ITPR1: variants seen among roughly 807,000 people sequenced by gnomAD.
The protein encoded by ITPR1 is inositol 1,4,5-trisphosphate receptor type 1, also known as inositol 1,4,5-trisphosphate-gated calcium channel ITPR1.
ITPR1 carries 96 observed loss-of-function variants against 318.4 expected under a neutral mutation model. The ratio of observed to expected loss-of-function variants is 0.30; its 90% CI spans 0.26 to 0.36. ITPR1 has a LOEUF of 0.36. Among genes scored for constraint, ITPR1 ranks in the 10% least tolerant of loss-of-function variants. The pLI is 1.00. For missense variants in ITPR1, 2,440 were observed against 3,460.2 expected, an observed-to-expected ratio of 0.71 and a Z score of 7.40; for synonymous variants, 1,312 against 1,289.9, an observed-to-expected ratio of 1.02 and a Z score of -0.37.
At chr3:4,741,714 A>G (rs1006031724) in intron 44 of ITPR1, among the ~76,000 whole-genome samples, 5 of 152,126 alleles carry the variant, frequency 3.3e-5, no homozygotes, top group African/African-American at 1.2e-4. Context: ...GGGCAATTTG[A>G]TTTGCCTCTG....
At chr3:4,656,520 A>G (rs2093712468) in intron 12 of ITPR1, among the ~76,000 whole-genome samples, 1 of 152,220 alleles carries the variant, frequency 6.6e-6, no homozygotes, top group Non-Finnish European at 1.5e-5. Flanking sequence ...GGGATGAGCA[A>G]TTAGAGGAGA....
At position 4,735,375 on chromosome 3, in the gene ITPR1, C is replaced by G. The variant is rs765497361; in HGVS notation, c.5544+21C>G. On this transcript the variant is annotated intron_variant, in intron 44 of 61. Coordinates refer to ENST00000649015, the MANE Select transcript of ITPR1 (RefSeq NM_001378452.1). ...TCCAGGTAGGAAGGCAGCTTGGCTACTGGTATGGCATCCCTGCTGAGCAGG... is the reference window on the plus strand; with the variant it reads ...TCCAGGTAGGAAGGCAGCTTGGCTAGTGGTATGGCATCCCTGCTGAGCAGG... The G allele has an allele frequency of 5.6e-6, 9 of 1,597,882 alleles. No individual in the cohort carries two copies. In the African/African-American group the frequency reaches 1.1e-4, roughly 19 times the overall value.
At chr3:4,727,506 A>G (rs1022864601) in intron 42 of ITPR1, among the ~76,000 whole-genome samples, 2 of 152,214 alleles carry the variant, frequency 1.3e-5, no homozygotes, top group East Asian at 3.8e-4. Context: ...TATAATTTAT[A>G]ATTTTAAAAA....
rs1436279717 is a variant in ITPR1, at chr3:4,837,709, CT to C, written c.8190+778del. Among the ~76,000 whole-genome samples, 3 of 152,116 alleles carry C rather than the reference CT, an allele frequency of 2.0e-5. No individual in the cohort carries two copies. In the South Asian group the frequency reaches 6.2e-4, roughly 32 times the overall value. On this transcript the variant is annotated intron_variant, in intron 61 of 61. Transcript: ENST00000649015. ...AAACCGTGCGTACTCTGTTTCTGCCCTTTTGACTCCATTAAAATGAACATGC... is the reference window on the plus strand; with the variant it reads ...AAACCGTGCGTACTCTGTTTCTGCCCTTTGACTCCATTAAAATGAACATGC...
intron 40 of ITPR1, among the ~76,000 whole-genome samples, chr3:4,718,124 G>A (rs1269779678): frequency 6.6e-6 from 1 of 152,140 alleles, no homozygotes; most frequent in African/African-American, 2.4e-5. Flanking sequence ...CCTCTTGAAT[G>A]TTTTCTGTTT....
At chr3:4,645,038 G>A (rs1163613917) in intron 8 of ITPR1, among the ~76,000 whole-genome samples, 1 of 151,882 alleles carries the variant, frequency 6.6e-6, no homozygotes, top group East Asian at 1.9e-4. Flanking sequence ...TTCCCTTTAT[G>A]GCTCATCCCA....
At chr3:4,775,767 G>A (rs2046446159) in intron 47 of ITPR1, among the ~76,000 whole-genome samples, 1 of 152,224 alleles carries the variant, frequency 6.6e-6, no homozygotes, top group South Asian at 2.1e-4. Flanking sequence ...CCAAAAGACA[G>A]TGACCTATTT....
At chr3:4,827,009 C>T (rs1462722809) in intron 60 of ITPR1, among the ~76,000 whole-genome samples, 1 of 152,246 alleles carries the variant, frequency 6.6e-6, no homozygotes, top group Non-Finnish European at 1.5e-5. Context: ...ACTCGCTTCA[C>T]TGTGCATGAA....
chr3:4,692,663 G>T (rs2094497741), intron 32 of ITPR1, among the ~76,000 whole-genome samples: 1 of 152,196 alleles, frequency 6.6e-6, no homozygotes, highest in Admixed American at 6.5e-5. Context: ...AAATAAATTT[G>T]CAAGAAGCCT....
chr3:4,641,251 C>T (rs2093331326), intron 6 of ITPR1, among the ~76,000 whole-genome samples: 1 of 152,244 alleles, frequency 6.6e-6, no homozygotes, highest in Non-Finnish European at 1.5e-5. Flanking sequence ...GTTATATCCC[C>T]TCTAGGTCTT....
chr3:4,707,719 G>A (rs2094789837), intron 37 of ITPR1, among the ~76,000 whole-genome samples: 1 of 152,172 alleles, frequency 6.6e-6, no homozygotes, highest in South Asian at 2.1e-4. Flanking sequence ...AAAACACATA[G>A]AGCAGTGCCT....
At chr3:4,615,806 C>G (rs35054010) in intron 4 of ITPR1, among the ~76,000 whole-genome samples, 23,371 of 151,948 alleles carry the variant, frequency 0.15, 2,680 homozygotes, top group East Asian at 0.46. Flanking sequence ...CCTCATGTTT[C>G]CAGTTGATTA....
At position 4,540,438 on chromosome 3, in the gene ITPR1, G is replaced by T. The variant is rs531576685; in HGVS notation, c.163+19344G>T. Among the ~76,000 whole-genome samples, 188 of 152,146 alleles carry T rather than the reference G, an allele frequency of 1.2e-3. 2 individuals are homozygous for T. The highest frequency in any genetic ancestry group is 4.2e-3 in the African/African-American group (174 of 41,520). On this transcript the variant is annotated intron_variant, in intron 4 of 61. Transcript: ENST00000649015. ...AGAACTACTCTCTCTGACCATCTTTGTCTATTATCTATTAATTGGAATGTT... is the reference window on the plus strand; with the variant it reads ...AGAACTACTCTCTCTGACCATCTTTTTCTATTATCTATTAATTGGAATGTT...
In ITPR1 at chr3:4,572,452, C is replaced by T. The variant is rs147358396; in HGVS notation, c.163+51358C>T. Among the ~76,000 whole-genome samples, 92 of 152,106 alleles carry T rather than the reference C, an allele frequency of 6.0e-4. 3 individuals are homozygous for T. The East Asian group carries it at 0.015, about 25-fold the overall frequency. On this transcript the variant is annotated intron_variant, in intron 4 of 61. Coordinates refer to ENST00000649015, the MANE Select transcript of ITPR1 (RefSeq NM_001378452.1). ...ATAGTATATATATTATAAAAGAACG[C>T]AAATTTGCAAGCTTCATGTGACACT...
chr3:4,605,437 A>G (rs1371756294), intron 4 of ITPR1, among the ~76,000 whole-genome samples: 1 of 152,220 alleles, frequency 6.6e-6, no homozygotes, highest in Non-Finnish European at 1.5e-5. Context: ...AATGTGAACC[A>G]TAGATAAGAT....
chr3:4,835,332 T>G (rs1295637796), intron 60 of ITPR1, among the ~76,000 whole-genome samples: 1 of 152,252 alleles, frequency 6.6e-6, no homozygotes. Context: ...TGCCTTCTAT[T>G]GTATACAGCA....
intron 34 of ITPR1, among the ~76,000 whole-genome samples, chr3:4,697,473 C>G (rs1435431635): frequency 4.8e-5 from 2 of 41,802 alleles, no homozygotes; most frequent in African/African-American, 9.9e-5. Context: ...TTTTTTTGAG[C>G]TGGAGTCTTG....
At chr3:4,629,495 G>A (rs184088492) in intron 5 of ITPR1, among the ~76,000 whole-genome samples, 11 of 152,228 alleles carry the variant, frequency 7.2e-5, no homozygotes, top group African/African-American at 2.4e-4. Flanking sequence ...ATCACCTGTC[G>A]CTTATTAGAA....
intron 4 of ITPR1, among the ~76,000 whole-genome samples, chr3:4,616,565 C>G (rs1395023690): frequency 6.6e-6 from 1 of 152,160 alleles, no homozygotes; most frequent in Non-Finnish European, 1.5e-5. Context: ...TTGATTTCAT[C>G]TCATATAAAA....
Sources: allele counts gnomAD v4.1 joint callset (sites outside exome capture counted in the v4.1 genomes callset), GRCh38; gene constraint gnomAD v4.1.1; transcripts MANE v1.5; gene names NCBI Gene and HGNC (gene_info 2026-07-23, HGNC 2026-07-21).